Variants in GRIK4 observed in about 807,000 individuals in gnomAD.
The protein encoded by GRIK4 is glutamate receptor ionotropic, kainate 4.
In GRIK4, 40 loss-of-function variants were observed where a neutral mutation model predicts 104.9. The ratio of observed to expected loss-of-function variants is 0.38; its 90% CI spans 0.30 to 0.50. The LOEUF is 0.50. Among genes scored for constraint, GRIK4 ranks in the 20% least tolerant of loss-of-function variants. GRIK4 has a pLI of 0.93. For synonymous variants in GRIK4, 485 were observed against 524.9 expected (o/e 0.92, Z 1.04); for missense variants, 1,047 against 1,308.1 (o/e 0.80, Z 3.08).
chr11:120,600,353 A>G (rs1948868005), intron 1 of GRIK4, among the ~76,000 whole-genome samples: 1 of 152,192 alleles, frequency 6.6e-6, no homozygotes, highest in African/African-American at 2.4e-5. Flanking sequence ...CTGTCTTAAA[A>G]AAAAAGAAAA....
intron 1 of GRIK4, among the ~76,000 whole-genome samples, chr11:120,590,782 A>G (rs926402038): frequency 5.3e-5 from 8 of 152,088 alleles, no homozygotes; most frequent in African/African-American, 1.9e-4. Flanking sequence ...TGGAATACTT[A>G]GTATATGCCA....
intron 17 of GRIK4, among the ~76,000 whole-genome samples, chr11:120,961,340 T>C (rs984569557): frequency 6.6e-6 from 1 of 152,200 alleles, no homozygotes; most frequent in Admixed American, 6.5e-5. Context: ...AACTGTTTTT[T>C]AGTTGCCATA....
chr11:120,728,628 T>G (rs926214338), intron 3 of GRIK4, among the ~76,000 whole-genome samples: 2 of 152,208 alleles, frequency 1.3e-5, no homozygotes, highest in African/African-American at 2.4e-5. Flanking sequence ...TTAATTTTTG[T>G]GGGTACATAG....
At chr11:120,589,784 A>G (rs1565563353) in intron 1 of GRIK4, among the ~76,000 whole-genome samples, 2 of 152,122 alleles carry the variant, frequency 1.3e-5, no homozygotes, top group Admixed American at 6.5e-5. Flanking sequence ...GTCTCTTTTC[A>G]TATATATTTA....
At chr11:120,681,911 A>T (rs1354906206) in intron 3 of GRIK4, among the ~76,000 whole-genome samples, 1 of 152,252 alleles carries the variant, frequency 6.6e-6, no homozygotes, top group African/African-American at 2.4e-5. Context: ...GGGGAAGCAT[A>T]ATGCCTGCTC....
At chr11:120,683,844 G>A (rs557638596) in intron 3 of GRIK4, among the ~76,000 whole-genome samples, 4 of 152,358 alleles carry the variant, frequency 2.6e-5, no homozygotes, top group African/African-American at 7.2e-5. Flanking sequence ...GAAGGGTCTT[G>A]ACAGACCAGC....
intron 1 of GRIK4, among the ~76,000 whole-genome samples, chr11:120,522,709 C>A (rs1479609402): frequency 6.6e-6 from 1 of 152,190 alleles, no homozygotes; most frequent in Non-Finnish European, 1.5e-5. Context: ...GCAAAGCCAA[C>A]TTTCAGTCTC....
intron 1 of GRIK4, among the ~76,000 whole-genome samples, chr11:120,518,177 C>T (rs1353156688): frequency 1.3e-5 from 2 of 152,170 alleles, no homozygotes; most frequent in East Asian, 1.9e-4. Flanking sequence ...GTTGGCCTGG[C>T]CACTTCCAGA....
intron 9 of GRIK4, among the ~76,000 whole-genome samples, chr11:120,864,487 G>A (rs905004596): frequency 7.9e-5 from 12 of 152,174 alleles, no homozygotes; most frequent in Middle Eastern, 3.4e-3. Context: ...TGATCCGCCC[G>A]CCTCGGCCTC....
At chr11:120,971,378 C>A (rs920398170) in intron 19 of GRIK4, among the ~76,000 whole-genome samples, 1 of 152,134 alleles carries the variant, frequency 6.6e-6, no homozygotes, top group African/African-American at 2.4e-5. Context: ...GATAAATGAA[C>A]AAGTGAATGA....
At chr11:120,532,126 G>A (rs775492528) in intron 1 of GRIK4, among the ~76,000 whole-genome samples, 3 of 152,176 alleles carry the variant, frequency 2.0e-5, no homozygotes, top group African/African-American at 4.8e-5. Context: ...GGTACCTGTG[G>A]CCACTCAGGC....
chr11:120,943,156 C>A (rs1180815055), intron 14 of GRIK4, among the ~76,000 whole-genome samples: 2 of 40,740 alleles, frequency 4.9e-5, no homozygotes, highest in Admixed American at 3.0e-4. Context: ...ACACACCCCC[C>A]TGACTGTTTG....
In GRIK4 at chr11:120,953,027, A is replaced by G. The variant is rs2134693332; in HGVS notation, c.1700+63A>G. ...CCTCGTGTCCACCTCTGGGAACTGC[A>G]TGGGGAGGGGGTGGGGAGGAGGAGA... On this transcript the variant is annotated intron_variant, in intron 15 of 20. Transcript: ENST00000527524. The surrounding 1 kb of genome is among the most constrained non-coding windows in gnomAD (Gnocchi z 4.9). 2 of 722,156 alleles carry G rather than the reference A, an allele frequency of 2.8e-6. No individual in the cohort carries two copies. Among genetic ancestry groups the G allele is most frequent in the South Asian group, 2.8e-5 (2 of 71,292 alleles). 44.7% of individuals were successfully genotyped at this position (722,156 alleles called of 1,614,324 possible).
chr11:120,788,646 G>T (rs966053477), intron 3 of GRIK4, among the ~76,000 whole-genome samples: 15 of 152,134 alleles, frequency 9.9e-5, no homozygotes, highest in African/African-American at 3.6e-4. Flanking sequence ...TGTGCACCAG[G>T]CTCCCTCCAT....
chr11:120,787,612 T>TCCA (rs1952307742), intron 3 of GRIK4, among the ~76,000 whole-genome samples: 1 of 150,332 alleles, frequency 6.7e-6, no homozygotes. Flanking sequence ...TTACAAGCAC[T>TCCA]CCACCACGCC....
intron 11 of GRIK4, chr11:120,894,419 G>A (rs559228452): frequency 6.6e-6 from 1 of 152,314 alleles, no homozygotes; most frequent in African/African-American, 2.4e-5. Context: ...AGTCCAGCTC[G>A]AACTCTGCAT....
intron 1 of GRIK4, among the ~76,000 whole-genome samples, chr11:120,570,155 C>T (rs1948379086): frequency 8.9e-6 from 1 of 112,224 alleles, no homozygotes; most frequent in African/African-American, 4.1e-5. Context: ...GAAAAGGCTG[C>T]AGCTTGTCTC....
chr11:120,625,920 A>G (rs1452652206), intron 1 of GRIK4, among the ~76,000 whole-genome samples: 2 of 152,096 alleles, frequency 1.3e-5, no homozygotes, highest in African/African-American at 4.8e-5. Context: ...TCCCTCTTCT[A>G]TTCAGAATCT....
chr11:120,823,798 C>T (rs530134301), intron 6 of GRIK4, among the ~76,000 whole-genome samples: 92 of 152,286 alleles, frequency 6.0e-4, no homozygotes, highest in African/African-American at 2.1e-3. Flanking sequence ...CAGTAGGGGA[C>T]GGCCCACATC....
Sources: gnomAD v4.1 joint callset for allele counts (sites outside exome capture counted in the v4.1 genomes callset) on GRCh38, gnomAD v4.1.1 for gene constraint, Gnocchi (gnomAD v3.1) non-coding constraint, MANE v1.5 for transcripts, NCBI Gene and HGNC (gene_info 2026-07-23, HGNC 2026-07-21) for gene names.